Variants in SAMD9 observed in about 807,000 individuals in gnomAD.
SAMD9 encodes sterile alpha motif domain-containing protein 9.
SAMD9 carries 3 observed loss-of-function variants against 1.5 expected under a neutral mutation model. The observed-to-expected ratio is 2.05, with a 90% confidence interval of 0.93 to 5.29. The LOEUF (loss-of-function observed/expected upper bound fraction) is 5.29, where lower values mean the gene tolerates loss of function less well. Among genes scored for constraint, SAMD9 ranks in the 30% most tolerant of loss-of-function variants. The pLI, the probability that SAMD9 is intolerant of heterozygous loss-of-function variation, is 0.02. For missense variants in SAMD9, 1,597 were observed against 1,820.8 expected (o/e 0.88, Z 2.24); for synonymous variants, 635 against 631.9 (o/e 1.00, Z -0.07).
At chr7:93,117,258 T>TTG (rs374368760) in intron 1 of SAMD9, among the ~76,000 whole-genome samples, 20,275 of 150,512 alleles carry the variant, frequency 0.13, 2,621 homozygotes, top group African/African-American at 0.3. Context: ...TATCTTTCCG[T>TTG]TTGTTGTTGT....
rs1175914307 is a variant in SAMD9 at position 93,103,841 on chromosome 7, C to G, written c.2257G>C (p.Glu753Gln). Residue 753 changes from glutamate (E) to glutamine (Q), a missense_variant, in exon 3 of 3, where the codon GAA becomes CAA. Coordinates refer to ENST00000379958, the MANE Select transcript of SAMD9 (RefSeq NM_017654.4). The stretch of plus-strand genomic sequence containing the variant: ...GCACATCTGAATTTCTTCCTTAGTT[C>G]CCAGAGAATGTGCATAGCCAAGGTA... ...GTTLAMHILWELRKKFRCAVL... is the reference protein window; with the variant it reads ...GTTLAMHILWQLRKKFRCAVL... 4.3e-6 allele frequency: 7 copies of G among 1,613,826 alleles called. No individual in the cohort carries two copies. The highest frequency in any genetic ancestry group is 5.9e-6 in the Non-Finnish European group (7 of 1,179,868).
At chr7:93,110,952 G>A (rs935397911) in intron 2 of SAMD9, among the ~76,000 whole-genome samples, 2 of 152,160 alleles carry the variant, frequency 1.3e-5, no homozygotes, top group African/African-American at 4.8e-5. Flanking sequence ...TGCACCAAGT[G>A]GACCTAATAG....
intron 2 of SAMD9, among the ~76,000 whole-genome samples, chr7:93,108,273 C>T (rs79802749): frequency 0.049 from 7,422 of 152,196 alleles, 310 homozygotes; most frequent in African/African-American, 0.11. Flanking sequence ...TCCCTTCACA[C>T]GCATGTGGAC....
intron 2 of SAMD9, among the ~76,000 whole-genome samples, chr7:93,112,062 T>C (rs1562778816): frequency 6.6e-6 from 1 of 152,100 alleles, no homozygotes; most frequent in Admixed American, 6.5e-5. Flanking sequence ...CCCAATAAAA[T>C]ATTGGCAAAC....
Position 93,102,927 on chromosome 7 carries a change from T to C in SAMD9, c.3171A>G (p.Ala1057=), listed in dbSNP as rs202205898. Residue 1057 remains alanine (A), a synonymous_variant, in exon 3 of 3, where the codon GCA becomes GCG. Transcript: ENST00000379958. ...CTTCATTTCCTTCATCTTTATGTAA[T>C]GCTTCAATAAATGGGGAAAACCAAT... The part of the protein sequence containing the change: ...TGNWFSPFIE[A]LHKDEGNEAV... 424 of 1,613,902 alleles carry C rather than the reference T, an allele frequency of 2.6e-4. 2 individuals are homozygous for C. The East Asian group carries it at 8.4e-3, about 32-fold the overall frequency.
At chr7:93,107,323 C>T (rs1002792097) in intron 2 of SAMD9, among the ~76,000 whole-genome samples, 3 of 152,120 alleles carry the variant, frequency 2.0e-5, no homozygotes, top group African/African-American at 7.2e-5. Context: ...AACTTGTTGG[C>T]TACTGTTGTA....
chr7:93,104,745 C>G lies in SAMD9; in HGVS notation c.1353G>C (p.Val451=). ...CTCGGCTTTCTTTGTAAGCTTTGAC[C>G]ACTCCATTGATGTTAGACTCAGGAT... The part of the protein sequence containing the change: ...EFDPESNING[V]VKAYKESRVA... Residue 451 remains valine (V), a synonymous_variant, in exon 3 of 3, where the codon GTG becomes GTC. Coordinates refer to ENST00000379958, the MANE Select transcript of SAMD9 (RefSeq NM_017654.4). 2 of 1,613,824 alleles carry G rather than the reference C, an allele frequency of 1.2e-6. No individual in the cohort carries two copies. Among genetic ancestry groups the G allele is most frequent in the Non-Finnish European group, 1.7e-6 (2 of 1,179,898 alleles).
chr7:93,107,915 C>T (rs1474844007), intron 2 of SAMD9, among the ~76,000 whole-genome samples: 1 of 152,100 alleles, frequency 6.6e-6, no homozygotes, highest in African/African-American at 2.4e-5. Context: ...GTAAAGAGTA[C>T]ACAGAATATC....
At position 93,102,104 on chromosome 7, in the gene SAMD9, A is replaced by ATC. The variant is rs1562773892; in HGVS notation, c.3992_3993dup (p.Cys1332AspfsTer6). On this transcript the variant is annotated frameshift_variant, in exon 3 of 3. Coordinates refer to ENST00000379958, the MANE Select transcript of SAMD9 (RefSeq NM_017654.4). LOFTEE classifies it low-confidence loss of function (END_TRUNC). Reference sequence around the variant, plus strand: ...TTTAAAGCTACTAGGTTTCTCCTGCATCTCTCTACTTGAAGTGGCTCACTG... The same window carrying ATC: ...TTTAAAGCTACTAGGTTTCTCCTGCATCTCTCTCTACTTGAAGTGGCTCACTG... 2 of 1,613,414 alleles carry ATC rather than the reference A, an allele frequency of 1.2e-6. No individual in the cohort carries two copies. Among genetic ancestry groups the ATC allele is most frequent in the Middle Eastern group, 1.7e-4 (1 of 6,060 alleles).
At chr7:93,113,949 G>A (rs547543491) in intron 2 of SAMD9, among the ~76,000 whole-genome samples, 1 of 152,188 alleles carries the variant, frequency 6.6e-6, no homozygotes, top group African/African-American at 2.4e-5. Context: ...CCATTACTGG[G>A]TATATACCCA....
intron 1 of SAMD9, among the ~76,000 whole-genome samples, chr7:93,115,961 C>T (rs895472848): frequency 1.3e-5 from 2 of 152,150 alleles, no homozygotes; most frequent in African/African-American, 4.8e-5. Context: ...TTCTTGTATC[C>T]ATTTACTGAG....
intron 2 of SAMD9, among the ~76,000 whole-genome samples, chr7:93,111,695 C>T (rs1791747061): frequency 6.6e-6 from 1 of 152,208 alleles, no homozygotes; most frequent in Non-Finnish European, 1.5e-5. Context: ...TGCAAATAAA[C>T]TTGAAAATCT....
intron 2 of SAMD9, among the ~76,000 whole-genome samples, chr7:93,114,514 AATAAC>A (rs1791803166): frequency 6.6e-6 from 1 of 152,194 alleles, no homozygotes; most frequent in Non-Finnish European, 1.5e-5. Context: ...TTGAAAGAAG[AATAAC>A]AGAATAAAAC....
At position 93,105,550 on chromosome 7, in the gene SAMD9, G is replaced by A. The variant is rs751486645; in HGVS notation, c.548C>T (p.Pro183Leu). 2 of 1,614,050 alleles carry A rather than the reference G, an allele frequency of 1.2e-6. No individual in the cohort carries two copies. The highest frequency in any genetic ancestry group is 1.7e-6 in the Non-Finnish European group (2 of 1,180,002). The change falls in exon 3 of 3, where the codon CCT (proline) becomes CTT (leucine). Residue 183 changes from proline to leucine, a missense_variant. By Grantham distance (98) the Pro-to-Leu change is moderately conservative. Coordinates refer to ENST00000379958, the MANE Select transcript of SAMD9 (RefSeq NM_017654.4). ...YRYKLDFSLQPETGPGNLIDP... is the reference protein window; with the variant it reads ...YRYKLDFSLQLETGPGNLIDP... ...AATGAGATTGCCTGGTCCTGTTTCA[G>A]GCTGTAGACTAAAATCCAACTTGTA... is the stretch of plus-strand genomic sequence containing the variant.
Position 93,101,486 on chromosome 7 carries a change from A to G in SAMD9, c.4612T>C (p.Cys1538Arg), listed in dbSNP as rs772210481. 1.9e-6 allele frequency: 3 copies of G among 1,613,646 alleles called. No homozygotes were observed. Among genetic ancestry groups the G allele is most frequent in the South Asian group, 2.2e-5 (2 of 91,080 alleles). ...LRLQGRAENNCLYIEYGINEK... is the reference protein window; with the variant it reads ...LRLQGRAENNRLYIEYGINEK... ...TTGATTCCATATTCTATATATAAAC[A>G]ATTGTTTTCAGCTCGACCTTGTAAA... The change falls in exon 3 of 3, where the codon TGT becomes CGT. Residue 1538 changes from cysteine to arginine, a missense_variant. Cys to Arg is a radical substitution (Grantham distance 180, BLOSUM62 -3). Coordinates refer to ENST00000379958, the MANE Select transcript of SAMD9 (RefSeq NM_017654.4).
Position 93,106,093 on chromosome 7 carries a change from G to T in SAMD9, c.5C>A (p.Ala2Glu). MAKQLNLPENTD... is the reference protein window; with the variant it reads MEKQLNLPENTD... ...ATTTTCTGGAAGGTTAAGTTGCTTT[G>T]CCATTCTGATACCTATATGTAGAAA... The change falls in exon 3 of 3, where the codon GCA becomes GAA. Residue 2 changes from alanine to glutamate, a missense_variant. By Grantham distance (107) the Ala-to-Glu change is moderately radical. This residue lies in a region of SAMD9 where 498 missense variants were observed against 457.4 expected (regional missense o/e 1.09). Transcript: ENST00000379958. 1 of 1,587,468 alleles carries T rather than the reference G, an allele frequency of 6.3e-7. No homozygotes were observed.
chr7:93,116,768 A>G (rs536776293), intron 1 of SAMD9, among the ~76,000 whole-genome samples: 4 of 152,344 alleles, frequency 2.6e-5, no homozygotes, highest in African/African-American at 7.2e-5. Flanking sequence ...GAGTAAAATT[A>G]GTACCTAAAA....
rs1415588352 is a variant in SAMD9 at position 93,105,588 on chromosome 7, A to C, written c.510T>G (p.Ser170Arg). 1 of 1,614,146 alleles carries C rather than the reference A, an allele frequency of 6.2e-7. No individual in the cohort carries two copies. The highest frequency in any genetic ancestry group is 8.5e-7 in the Non-Finnish European group (1 of 1,180,014). The change falls in exon 3 of 3, where the codon AGT (serine) becomes AGG (arginine). Residue 170 changes from serine (S) to arginine (R), a missense_variant. Physicochemically the swap from Ser to Arg is moderately radical, Grantham distance 110. Coordinates refer to ENST00000379958, the MANE Select transcript of SAMD9 (RefSeq NM_017654.4). ...TCVSYPFDEF[S>R]NPYRYKLDFS... ...AATCCAACTTGTAACGATATGGATT[A>C]CTGAATTCATCAAATGGATATGATA...
chr7:93,116,388 G>A (rs560945130), intron 1 of SAMD9, among the ~76,000 whole-genome samples: 13 of 152,282 alleles, frequency 8.5e-5, no homozygotes, highest in Non-Finnish European at 1.6e-4. Context: ...TAATAAAGAA[G>A]TGACTTTTGA....
Sources: allele counts gnomAD v4.1 joint callset (sites outside exome capture counted in the v4.1 genomes callset), GRCh38; gene constraint gnomAD v4.1.1; regional missense constraint gnomAD v4.1.1; transcripts MANE v1.5; gene names NCBI Gene and HGNC (gene_info 2026-07-23, HGNC 2026-07-21).